Variants in NEK6 observed in about 807,000 individuals in gnomAD.
NEK6 encodes serine/threonine-protein kinase Nek6.
Under a neutral mutation model 43.5 loss-of-function variants are expected in NEK6, and 27 were observed. The observed-to-expected ratio is 0.62, with a 90% CI of 0.46 to 0.86. The LOEUF is 0.86. Ranked by LOEUF, NEK6 falls within the 40% of genes least tolerant of loss-of-function variation. The pLI, the probability that NEK6 is intolerant of heterozygous loss-of-function variation, is 0.00. For missense variants in NEK6, 318 were observed against 414.4 expected, an observed-to-expected ratio of 0.77 and a Z score of 2.02; for synonymous variants, 167 against 164.1, an observed-to-expected ratio of 1.02 and a Z score of -0.14.
rs80240614 is a variant in NEK6 at position 124,350,259 on chromosome 9, T to C, written c.832-578T>C. Among the ~76,000 whole-genome samples the C allele has an allele frequency of 2.6e-3, 393 of 152,306 alleles. 2 individuals are homozygous for C. The highest frequency in any genetic ancestry group is 8.4e-3 in the African/African-American group (350 of 41,570). On this transcript the variant is annotated intron_variant, in intron 9 of 9. Transcript: ENST00000320246. ...ATTATTTTAATTACCATTAAAATAA[T>C]TGGCACTCCGGCTATCAGAAGAATG...
intron 2 of NEK6, 30 bp downstream of exon 2, chr9:124,302,084 C>G (rs754294956): frequency 6.7e-7 from 1 of 1,493,938 alleles, no homozygotes; most frequent in Non-Finnish European, 9.2e-7. Flanking sequence ...CTGCAGCACA[C>G]TGAAGAGTTC....
chr9:124,278,078 T>G (rs1831721212), intron 1 of NEK6, among the ~76,000 whole-genome samples: 1 of 152,222 alleles, frequency 6.6e-6, no homozygotes, highest in South Asian at 2.1e-4. Context: ...ATGCCATCTT[T>G]TGACTGTACC....
chr9:124,308,353 C>G (rs1176602916), intron 2 of NEK6, among the ~76,000 whole-genome samples: 1 of 152,194 alleles, frequency 6.6e-6, no homozygotes, highest in Non-Finnish European at 1.5e-5. Context: ...CAGTGAGCAA[C>G]AGAAACCAGT....
At chr9:124,327,134 G>T (rs1372589053) in intron 6 of NEK6, among the ~76,000 whole-genome samples, 1 of 152,208 alleles carries the variant, frequency 6.6e-6, no homozygotes, top group Non-Finnish European at 1.5e-5. Flanking sequence ...CAAGTTGGTG[G>T]AGGGAGACCC....
rs546495872 is a variant in NEK6, at chr9:124,339,763, C to T, written c.717+98C>T. The T allele has an allele frequency of 1.8e-4, 157 of 872,688 alleles. 1 individual carries two copies. In the East Asian group the frequency reaches 3.8e-3, roughly 21 times the overall value. 54.1% of individuals were successfully genotyped at this position (872,688 alleles called of 1,614,324 possible). ...ACCCTACCAGCTCAGGGTTGGAACC[C>T]AGGAATGTCACGTCTGCCTGAGGCA... On this transcript the variant is annotated intron_variant, in intron 8 of 9. Transcript: ENST00000320246.
chr9:124,309,835 G>T (rs960279702), intron 2 of NEK6, among the ~76,000 whole-genome samples: 1 of 152,332 alleles, frequency 6.6e-6, no homozygotes, highest in East Asian at 1.9e-4. Context: ...CCCACTGTGC[G>T]CCAGGTCGTG....
rs770858012 is a variant in NEK6 at position 124,350,975 on chromosome 9, C to G, written c.*28C>G. ...GTGGATGCACCGTGCCTTATCAAAG[C>G]CAGCACCACTTTGCCTTACTTGAGT... On this transcript the variant is annotated 3_prime_UTR_variant, in exon 10 of 10. Transcript: ENST00000320246. The G allele has an allele frequency of 8.5e-6, 13 of 1,524,284 alleles. No homozygotes were observed. Among genetic ancestry groups the G allele is most frequent in the Non-Finnish European group, 1.2e-5 (13 of 1,107,484 alleles). The allele number at this position is 1,524,284 out of a possible 1,614,324, so 94.4% of individuals were successfully genotyped here.
At chr9:124,298,443 AG>A (rs1201357075) in intron 1 of NEK6, among the ~76,000 whole-genome samples, 1 of 152,064 alleles carries the variant, frequency 6.6e-6, no homozygotes, top group East Asian at 1.9e-4. Flanking sequence ...TGGGGTAGAC[AG>A]TGGTGCTGCA....
chr9:124,270,418 G>T (rs144370272), intron 1 of NEK6, among the ~76,000 whole-genome samples: 1 of 152,154 alleles, frequency 6.6e-6, no homozygotes, highest in Non-Finnish European at 1.5e-5. Flanking sequence ...CCCAGAGTGG[G>T]AGGGGAAGGG....
At chr9:124,346,060 C>T (rs1272008188) in intron 8 of NEK6, among the ~76,000 whole-genome samples, 1 of 152,142 alleles carries the variant, frequency 6.6e-6, no homozygotes, top group Non-Finnish European at 1.5e-5. Context: ...CCCAGCCCTT[C>T]TCTGAGGGGC....
chr9:124,293,732 A>G (rs4838154), intron 1 of NEK6, among the ~76,000 whole-genome samples: 3 of 152,230 alleles, frequency 2.0e-5, no homozygotes, highest in Admixed American at 1.3e-4. Context: ...CATTCTGCCA[A>G]CGCCCCCTGG....
chr9:124,339,186 G>A (rs926136987), intron 7 of NEK6, among the ~76,000 whole-genome samples: 5 of 152,080 alleles, frequency 3.3e-5, no homozygotes, highest in African/African-American at 9.7e-5. Flanking sequence ...CTGCCACTAT[G>A]CCCAGCTAAT....
At position 124,275,033 on chromosome 9, in the gene NEK6, T is replaced by C. The variant is rs577109827; in HGVS notation, c.-30+16948T>C. ...GAGCAGGGACCCCAGGGGCACGAGC[T>C]CTGCTTAGTTCTTGTGATTAGTTCA... On this transcript the variant is annotated intron_variant, in intron 1 of 9. Transcript: ENST00000320246. The surrounding 1 kb of genome is among the most constrained non-coding windows in gnomAD (Gnocchi z 4.4). Among the ~76,000 whole-genome samples the C allele has an allele frequency of 4.3e-3, 656 of 152,296 alleles. 1 individual carries two copies. The highest frequency in any genetic ancestry group is 7.0e-3 in the Non-Finnish European group (478 of 68,026).
chr9:124,313,135 G>T (rs183971956), intron 3 of NEK6, among the ~76,000 whole-genome samples: 1 of 152,296 alleles, frequency 6.6e-6, no homozygotes, highest in Non-Finnish European at 1.5e-5. Context: ...CATGAGAGCC[G>T]CTGGGCCCGT....
chr9:124,334,438 CAG>C (rs1829186087), intron 7 of NEK6, among the ~76,000 whole-genome samples: 1 of 152,180 alleles, frequency 6.6e-6, no homozygotes, highest in Non-Finnish European at 1.5e-5. Context: ...ATGGGGTAAG[CAG>C]AGAGAGCAGT....
intron 2 of NEK6, among the ~76,000 whole-genome samples, chr9:124,308,931 G>C (rs896319611): frequency 1.3e-5 from 2 of 152,378 alleles, no homozygotes; most frequent in African/African-American, 2.4e-5. Flanking sequence ...GCGGGGAGCT[G>C]ACCCAGGAGC....
chr9:124,283,518 C>T (rs529107912), intron 1 of NEK6, among the ~76,000 whole-genome samples: 2 of 152,042 alleles, frequency 1.3e-5, no homozygotes, highest in African/African-American at 2.4e-5. Context: ...CTTGGTATCG[C>T]GGGAGGGAGG....
At position 124,351,839 on chromosome 9, in the gene NEK6, T is replaced by TATCA. The variant is rs1309528262; in HGVS notation, c.*893_*896dup. ...TCTGTACAATGAGATTAATAGTACC[T>TATCA]ATCATCTACCTTCAGGATTGCTGAC... is the stretch of plus-strand genomic sequence containing the variant. On this transcript the variant is annotated 3_prime_UTR_variant, in exon 10 of 10. Transcript: ENST00000320246. 6 of 152,288 alleles carry TATCA rather than the reference T, an allele frequency of 3.9e-5. No individual in the cohort carries two copies. Among genetic ancestry groups the TATCA allele is most frequent in the Admixed American group, 1.3e-4 (2 of 15,282 alleles). The allele number at this position is 152,288 out of a possible 1,614,324, so 9.4% of individuals were successfully genotyped here.
At chr9:124,348,020 C>T (rs1369194310) in intron 9 of NEK6, among the ~76,000 whole-genome samples, 198 bp downstream of exon 9, 1 of 152,212 alleles carries the variant, frequency 6.6e-6, no homozygotes, top group East Asian at 1.9e-4. Flanking sequence ...CACGCAGCTC[C>T]AGTGTGGGAC....
Sources: gnomAD v4.1 joint callset for allele counts (sites outside exome capture counted in the v4.1 genomes callset) on GRCh38, gnomAD v4.1.1 for gene constraint, Gnocchi (gnomAD v3.1) non-coding constraint, MANE v1.5 for transcripts, NCBI Gene and HGNC (gene_info 2026-07-23, HGNC 2026-07-21) for gene names.